Variants in CNBD1 observed in about 807,000 individuals in gnomAD.
CNBD1 encodes cyclic nucleotide-binding domain-containing protein 1.
Under a neutral mutation model 54.4 loss-of-function variants are expected in CNBD1, and 71 were observed. That is an observed-to-expected ratio of 1.30 (90% confidence interval 1.08 to 1.59). The LOEUF (loss-of-function observed/expected upper bound fraction) is 1.59. CNBD1 is among the 40% of genes most tolerant of loss of function. The probability of loss-of-function intolerance (pLI) is 0.00; values close to 1 mark genes in which losing one functional copy is unlikely to be tolerated. For missense variants in CNBD1, 659 were observed against 518.0 expected (o/e 1.27, Z -2.64); for synonymous variants, 182 against 170.7 (o/e 1.07, Z -0.51).
chr8:86,994,170 A>G (rs1808817208), intron 4 of CNBD1, among the ~76,000 whole-genome samples: 1 of 152,196 alleles, frequency 6.6e-6, no homozygotes, highest in Non-Finnish European at 1.5e-5. Flanking sequence ...GATGCCTGTC[A>G]CAGCCCTGGG....
chr8:86,982,551 C>T (rs1387501870), intron 4 of CNBD1, among the ~76,000 whole-genome samples: 1 of 152,094 alleles, frequency 6.6e-6, no homozygotes, highest in East Asian at 1.9e-4. Flanking sequence ...GTCTATTTCT[C>T]CCCATTGAAT....
chr8:87,302,877 C>G (rs1809041828), intron 8 of CNBD1, among the ~76,000 whole-genome samples: 1 of 151,986 alleles, frequency 6.6e-6, no homozygotes, highest in African/African-American at 2.4e-5. Context: ...GAGTAAACTC[C>G]CAATCACAAT....
intron 4 of CNBD1, among the ~76,000 whole-genome samples, chr8:87,151,798 T>C (rs1812609988): frequency 6.6e-6 from 1 of 152,180 alleles, no homozygotes; most frequent in African/African-American, 2.4e-5. Flanking sequence ...CTAGTATTGG[T>C]TTACTAATTT....
intron 8 of CNBD1, among the ~76,000 whole-genome samples, chr8:87,339,133 A>T (rs1351032761): frequency 6.7e-6 from 1 of 148,168 alleles, no homozygotes; most frequent in Admixed American, 6.7e-5. Context: ...TTGAGAGAAG[A>T]TCTTGTTAAG....
intron 2 of CNBD1, among the ~76,000 whole-genome samples, chr8:87,404,764 T>C (rs987233286): frequency 1.3e-5 from 2 of 152,124 alleles, no homozygotes; most frequent in African/African-American, 4.8e-5. Flanking sequence ...CAAATAACTA[T>C]CATTTAATTT....
chr8:87,319,175 CACA>C (rs1809465731), intron 8 of CNBD1, among the ~76,000 whole-genome samples: 1 of 152,008 alleles, frequency 6.6e-6, no homozygotes, highest in Non-Finnish European at 1.5e-5. Context: ...CACTTGATTT[CACA>C]TTTAGAATAA....
At chr8:86,888,112 C>T (rs1808707973) in intron 2 of CNBD1, among the ~76,000 whole-genome samples, 1 of 152,120 alleles carries the variant, frequency 6.6e-6, no homozygotes. Context: ...CTGGTTATTT[C>T]CTTCCATATG....
At chr8:87,233,913 C>A (rs1353359307) in intron 5 of CNBD1, among the ~76,000 whole-genome samples, 1 of 152,184 alleles carries the variant, frequency 6.6e-6, no homozygotes, top group African/African-American at 2.4e-5. Flanking sequence ...AGTAAGTTCT[C>A]TCAAACCCTG....
intron 1 of CNBD1, among the ~76,000 whole-genome samples, chr8:86,869,079 C>T (rs191069569): frequency 2.0e-4 from 31 of 152,242 alleles, no homozygotes; most frequent in African/African-American, 5.3e-4. Flanking sequence ...TCTCCCCTAG[C>T]GTCTCCAGAA....
In CNBD1 at chr8:87,372,185, A is replaced by G. The variant is rs181029535; in HGVS notation, c.1304-10435A>G. 2.6e-5 allele frequency among the ~76,000 whole-genome samples: 4 copies of G among 151,892 alleles called. No individual in the cohort carries two copies. The East Asian group carries it at 7.8e-4, about 30-fold the overall frequency. On this transcript the variant is annotated intron_variant, in intron 10 of 10. Transcript: ENST00000518476. ...GTACAAAAATCACAAGCATTCTTAT[A>G]CACCAATAACAGACAAACAGAGAGC... is the stretch of plus-strand genomic sequence containing the variant.
At chr8:87,134,594 C>CTTTTTTTTTTTT (rs1167232265) in intron 4 of CNBD1, among the ~76,000 whole-genome samples, 1 of 86,964 alleles carries the variant, frequency 1.1e-5, no homozygotes, top group African/African-American at 4.3e-5. Context: ...ATTAGATTAC[C>CTTTTTTTTTTTT]TTTTTTTTTT....
intron 6 of CNBD1, among the ~76,000 whole-genome samples, chr8:87,255,890 C>A (rs1807997553): frequency 7.2e-6 from 1 of 138,248 alleles, no homozygotes; most frequent in Non-Finnish European, 1.5e-5. Context: ...GCATATTATG[C>A]CTTAAATAAA....
chr8:87,229,242 A>G (rs1374124363), intron 5 of CNBD1, among the ~76,000 whole-genome samples: 1 of 152,032 alleles, frequency 6.6e-6, no homozygotes, highest in Non-Finnish European at 1.5e-5. Flanking sequence ...TGTAGACCGC[A>G]GCTGTTCCTA....
intron 2 of CNBD1, among the ~76,000 whole-genome samples, chr8:87,390,128 C>T (rs1220029520): frequency 1.3e-5 from 2 of 151,672 alleles, no homozygotes; most frequent in African/African-American, 4.9e-5. Flanking sequence ...AACGTTAGAC[C>T]TAAAACCATA....
chr8:87,376,071 G>C (rs915669934), intron 10 of CNBD1, among the ~76,000 whole-genome samples: 1 of 151,888 alleles, frequency 6.6e-6, no homozygotes, highest in African/African-American at 2.4e-5. Context: ...GAACTTTTTA[G>C]TTCAAAGATT....
intron 2 of CNBD1, among the ~76,000 whole-genome samples, chr8:87,413,144 T>C (rs1807776993): frequency 6.6e-6 from 1 of 152,024 alleles, no homozygotes; most frequent in Non-Finnish European, 1.5e-5. Context: ...TGCGGCCTTA[T>C]ATCCTTGTGG....
intron 7 of CNBD1, 36 bp from the exon 8 acceptor site, chr8:87,286,503 T>C: frequency 8.3e-7 from 1 of 1,210,262 alleles, no homozygotes; most frequent in Non-Finnish European, 1.2e-6. Flanking sequence ...TTAAATTGCC[T>C]GTTATTAAAA....
chr8:87,358,215 C>T (rs955188859), intron 10 of CNBD1, among the ~76,000 whole-genome samples: 22 of 152,284 alleles, frequency 1.4e-4, no homozygotes, highest in African/African-American at 5.1e-4. Context: ...GACTAATAGT[C>T]TCTTACAGAA....
chr8:87,172,909 A>G (rs769776831), intron 4 of CNBD1, among the ~76,000 whole-genome samples: 12 of 151,800 alleles, frequency 7.9e-5, no homozygotes, highest in Admixed American at 6.6e-5. Context: ...AATTCCTTCC[A>G]TTTTGTTATT....
Sources: gnomAD v4.1 joint callset for allele counts (sites outside exome capture counted in the v4.1 genomes callset) on GRCh38, gnomAD v4.1.1 for gene constraint, MANE v1.5 for transcripts, NCBI Gene and HGNC (gene_info 2026-07-23, HGNC 2026-07-21) for gene names.